The following QTMAN variants were observed in gnomAD, a reference collection of about 807,000 sequenced individuals.
QTMAN encodes the protein queuosine-tRNA mannosyltransferase.
chr2:143,968,879 A>C, the QTMAN span, among the ~76,000 whole-genome samples: 1 of 152,204 alleles, frequency 6.6e-6, no homozygotes, highest in Non-Finnish European at 1.5e-5. Flanking sequence ...GATTACTACC[A>C]GAGGGTCTTA....
At chr2:144,057,815 T>A in the QTMAN span, among the ~76,000 whole-genome samples, 3 of 152,148 alleles carry the variant, frequency 2.0e-5, no homozygotes, top group African/African-American at 4.8e-5. Context: ...ATGGTATGAA[T>A]AACCAGGATC....
chr2:144,326,921 A>G, the QTMAN span, among the ~76,000 whole-genome samples: 2 of 152,148 alleles, frequency 1.3e-5, no homozygotes, highest in Non-Finnish European at 2.9e-5. Context: ...AGAGAGCAAG[A>G]TGAGAGAGAG....
the QTMAN span, among the ~76,000 whole-genome samples, chr2:144,007,921 A>G: frequency 6.6e-6 from 1 of 152,122 alleles, no homozygotes; most frequent in Non-Finnish European, 1.5e-5. Context: ...ACCTACAAAA[A>G]TGTTTGAAAC....
chr2:144,061,522 GATAATA>G, the QTMAN span, among the ~76,000 whole-genome samples: 12 of 152,144 alleles, frequency 7.9e-5, no homozygotes, highest in African/African-American at 2.9e-4. Context: ...GGCTGATGAA[GATAATA>G]ATATGTAACA....
chr2:144,105,470 T>C, the QTMAN span, among the ~76,000 whole-genome samples: 1 of 152,170 alleles, frequency 6.6e-6, no homozygotes, highest in Non-Finnish European at 1.5e-5. Flanking sequence ...CACGTTTCAG[T>C]AGCCGATTCA....
At chr2:144,250,689 C>T in the QTMAN span, among the ~76,000 whole-genome samples, 13 of 148,114 alleles carry the variant, frequency 8.8e-5, no homozygotes, top group Non-Finnish European at 1.5e-4. Context: ...GCCATCCACA[C>T]TATGCTTACT....
At chr2:144,205,554 A>C in the QTMAN span, among the ~76,000 whole-genome samples, 1 of 152,222 alleles carries the variant, frequency 6.6e-6, no homozygotes, top group Non-Finnish European at 1.5e-5. Flanking sequence ...ATACCTATCC[A>C]TCCTAAAGAA....
At chr2:144,062,148 T>A in the QTMAN span, among the ~76,000 whole-genome samples, 1 of 152,254 alleles carries the variant, frequency 6.6e-6, no homozygotes, top group African/African-American at 2.4e-5. Context: ...ACTTAAGCCA[T>A]CCCCAGATGT....
At chr2:144,111,614 T>C in the QTMAN span, among the ~76,000 whole-genome samples, 1 of 152,162 alleles carries the variant, frequency 6.6e-6, no homozygotes, top group Non-Finnish European at 1.5e-5. Context: ...CCTGATCAGA[T>C]GTGAGTTCCC....
the QTMAN span, chr2:143,947,237 C>A: frequency 1.3e-6 from 1 of 797,106 alleles, no homozygotes; most frequent in East Asian, 2.6e-5. Flanking sequence ...GCATCACTTA[C>A]GTCAATTACA....
At chr2:144,219,356 C>T in the QTMAN span, among the ~76,000 whole-genome samples, 1 of 152,056 alleles carries the variant, frequency 6.6e-6, no homozygotes, top group African/African-American at 2.4e-5. Context: ...GTCTCGAACT[C>T]CTGACCTCAG....
the QTMAN span, among the ~76,000 whole-genome samples, chr2:144,195,090 C>G: frequency 2.6e-5 from 4 of 152,140 alleles, no homozygotes; most frequent in South Asian, 8.3e-4. Flanking sequence ...TCCTGTAAAA[C>G]AGGTGATAAT....
At chr2:144,157,260 T>G in the QTMAN span, among the ~76,000 whole-genome samples, 1 of 152,084 alleles carries the variant, frequency 6.6e-6, no homozygotes, top group Admixed American at 6.6e-5. Context: ...AATACAGATA[T>G]CCACCTGACT....
At chr2:144,289,445 C>T in the QTMAN span, among the ~76,000 whole-genome samples, 623 of 152,278 alleles carry the variant, frequency 4.1e-3, 3 homozygotes, top group South Asian at 7.5e-3. Flanking sequence ...GCTAGAAGCT[C>T]AAAGTGTAGA....
chr2:144,058,124 A>T, the QTMAN span, among the ~76,000 whole-genome samples: 2 of 49,758 alleles, frequency 4.0e-5, no homozygotes, highest in African/African-American at 2.0e-4. Flanking sequence ...CCCCTCCCCC[A>T]CCCCGCTAAA....
At chr2:144,088,701 A>G in the QTMAN span, among the ~76,000 whole-genome samples, 1 of 152,088 alleles carries the variant, frequency 6.6e-6, no homozygotes, top group Non-Finnish European at 1.5e-5. Flanking sequence ...AACAAAGCTG[A>G]CAAGAACTTA....
chr2:144,248,538 C>T, the QTMAN span, among the ~76,000 whole-genome samples: 1 of 152,324 alleles, frequency 6.6e-6, no homozygotes, highest in Non-Finnish European at 1.5e-5. Context: ...GCAGTTTACA[C>T]ATGCCACTAT....
At chr2:144,212,640 A>C in the QTMAN span, among the ~76,000 whole-genome samples, 5 of 152,238 alleles carry the variant, frequency 3.3e-5, no homozygotes, top group East Asian at 9.6e-4. Flanking sequence ...GAAAAGAGTA[A>C]ATGGCCACTC....
the QTMAN span, among the ~76,000 whole-genome samples, chr2:144,136,794 C>T: frequency 3.9e-5 from 6 of 152,112 alleles, no homozygotes; most frequent in African/African-American, 9.7e-5. Flanking sequence ...TAATCTATAT[C>T]CTTTAACACA....
Sources: allele counts gnomAD v4.1 joint callset (sites outside exome capture counted in the v4.1 genomes callset), GRCh38; gene constraint gnomAD v4.1.1; transcripts MANE v1.5; gene names NCBI Gene and HGNC (gene_info 2026-07-23, HGNC 2026-07-21).